SMAD3: variants seen among roughly 807,000 people sequenced by gnomAD.
SMAD3 encodes SMAD family member 3.
SMAD3 carries 12 observed loss-of-function variants against 51.8 expected under a neutral mutation model. The observed-to-expected ratio is 0.23, with a 90% confidence interval of 0.15 to 0.38. SMAD3 has a LOEUF of 0.38. Ranked by LOEUF, SMAD3 falls within the 10% of genes least tolerant of loss-of-function variation. SMAD3 has a pLI of 1.00. For synonymous variants in SMAD3, 238 were observed against 227.7 expected (o/e 1.05, Z -0.41); for missense variants, 294 against 565.6 (o/e 0.52, Z 4.87).
intron 1 of SMAD3, among the ~76,000 whole-genome samples, chr15:67,097,251 C>T (rs755660363): frequency 5.9e-5 from 9 of 151,900 alleles, no homozygotes; most frequent in Non-Finnish European, 1.3e-4. Context: ...GTTCTTCCTC[C>T]ACCACTCAGG....
At chr15:67,111,200 T>C (rs1016202145) in intron 1 of SMAD3, among the ~76,000 whole-genome samples, 1 of 152,252 alleles carries the variant, frequency 6.6e-6, no homozygotes, top group Non-Finnish European at 1.5e-5. Flanking sequence ...TCTGGTTCTC[T>C]GGATTTGCCT....
rs1962538901 is a variant in SMAD3 at position 67,165,011 on chromosome 15, T to G, written c.323T>G (p.Leu108Arg). The change falls in exon 2 of 9, where the codon CTG becomes CGG. Residue 108 changes from leucine (L) to arginine (R), a missense_variant. By Grantham distance (102) the Leu-to-Arg change is moderately radical (BLOSUM62 -2). Transcript: ENST00000327367. ...CACCACGAGCTACGGGCCATGGAGC[T>G]GTGTGAGTTCGCCTTCAATATGAAG... ...HSHHELRAME[L>R]CEFAFNMKKD... 1.9e-6 allele frequency: 3 copies of G among 1,614,166 alleles called. No homozygotes were observed. The highest frequency in any genetic ancestry group is 2.5e-6 in the Non-Finnish European group (3 of 1,180,022).
chr15:67,180,903 G>A (rs1595956107), intron 5 of SMAD3, among the ~76,000 whole-genome samples: 1 of 152,026 alleles, frequency 6.6e-6, no homozygotes, highest in Non-Finnish European at 1.5e-5. Context: ...TTCAGGTTTG[G>A]CCCAGCCCCT....
chr15:67,159,726 A>T, intron 1 of SMAD3, among the ~76,000 whole-genome samples: 1 of 152,176 alleles, frequency 6.6e-6, no homozygotes, highest in Middle Eastern at 3.2e-3. Context: ...TTCTGTCACT[A>T]GATTAAGATT....
chr15:67,087,831 G>A (rs1211622582), intron 1 of SMAD3, among the ~76,000 whole-genome samples: 1 of 152,214 alleles, frequency 6.6e-6, no homozygotes, highest in East Asian at 1.9e-4. Context: ...CAGAACTTAA[G>A]TTTCCAGTAA....
intron 1 of SMAD3, among the ~76,000 whole-genome samples, chr15:67,076,008 A>G (rs963822136): frequency 6.6e-6 from 1 of 151,996 alleles, no homozygotes; most frequent in African/African-American, 2.4e-5. Flanking sequence ...GTAAACGCTC[A>G]TTTTTCCTTT....
At chr15:67,179,498 T>C (rs1962994336) in intron 5 of SMAD3, among the ~76,000 whole-genome samples, 1 of 152,000 alleles carries the variant, frequency 6.6e-6, no homozygotes, top group South Asian at 2.1e-4. Context: ...ACCTAGGGTG[T>C]CCTAATCCTC....
At position 67,138,214 on chromosome 15, in the gene SMAD3, T is replaced by C. The variant is rs12914140; in HGVS notation, c.207-26681T>C. ...GAGTTTCTCCGGGCTTCTCTTTCTC[T>C]GGGTGGGGATGTGGACTCTTAGGAT... On this transcript the variant is annotated intron_variant, in intron 1 of 8. Transcript: ENST00000327367. 52,253 of 800,918 alleles carry C rather than the reference T, an allele frequency of 0.065. 1,878 individuals carry two copies. Among genetic ancestry groups the C allele is most frequent in the African/African-American group, 0.078 (4,575 of 58,414 alleles). The allele number at this position is 800,918 out of a possible 1,614,324, so 49.6% of individuals were successfully genotyped here. A position where few individuals can be genotyped will look rare whatever the true frequency, so the allele number is the denominator to read the frequency against.
chr15:67,181,525 T>C, intron 6 of SMAD3, 72 bp downstream of exon 6: 1 of 1,126,060 alleles, frequency 8.9e-7, no homozygotes, highest in Non-Finnish European at 1.2e-6. Context: ...GCCCCAGGCC[T>C]GAACACACAG....
chr15:67,170,403 G>T, intron 4 of SMAD3, 151 bp from the exon 5 acceptor site: 7 of 697,542 alleles, frequency 1.0e-5, no homozygotes, highest in South Asian at 9.1e-5. Context: ...AGAGGCAAGG[G>T]TATGGGCTAG....
intron 3 of SMAD3, chr15:67,166,415 C>T (rs1323720796): frequency 7.2e-6 from 3 of 416,104 alleles, no homozygotes; most frequent in African/African-American, 6.1e-5. Context: ...TGCAGATCTT[C>T]AGAGGACAGA....
At chr15:67,127,582 A>G (rs1397977693) in intron 1 of SMAD3, among the ~76,000 whole-genome samples, 3 of 152,184 alleles carry the variant, frequency 2.0e-5, no homozygotes, top group Non-Finnish European at 4.4e-5. Flanking sequence ...TCACCTGGCA[A>G]TTAGTCATAT....
chr15:67,075,771 C>T (rs1324470529), intron 1 of SMAD3, among the ~76,000 whole-genome samples: 11 of 151,950 alleles, frequency 7.2e-5, no homozygotes, highest in Non-Finnish European at 1.5e-4. Context: ...AAAAATTAGC[C>T]GGGCATGGTA....
chr15:67,164,086 C>A (rs1962505580), intron 1 of SMAD3, among the ~76,000 whole-genome samples: 1 of 151,518 alleles, frequency 6.6e-6, no homozygotes, highest in Admixed American at 6.6e-5. Flanking sequence ...CTGAGGCGGG[C>A]AGATCACGAG....
intron 1 of SMAD3, among the ~76,000 whole-genome samples, chr15:67,136,328 C>CTTTTTTTT (rs11355676): frequency 4.4e-5 from 6 of 137,114 alleles, no homozygotes; most frequent in African/African-American, 5.5e-5. Flanking sequence ...GTCAGTCATT[C>CTTTTTTTT]TTTTTTTTTT....
At chr15:67,111,124 A>T (rs554091108) in intron 1 of SMAD3, among the ~76,000 whole-genome samples, 1 of 152,380 alleles carries the variant, frequency 6.6e-6, no homozygotes, top group African/African-American at 2.4e-5. Flanking sequence ...CCACAAAAAG[A>T]AACCTCATAC....
chr15:67,153,229 C>T (rs574113850), intron 1 of SMAD3, among the ~76,000 whole-genome samples: 2 of 152,248 alleles, frequency 1.3e-5, no homozygotes, highest in South Asian at 2.1e-4. Context: ...CAGTGGCTCA[C>T]GCCTGTAATC....
chr15:67,176,719 G>A (rs1187534178), intron 5 of SMAD3, among the ~76,000 whole-genome samples: 1 of 152,206 alleles, frequency 6.6e-6, no homozygotes, highest in Non-Finnish European at 1.5e-5. Context: ...GGCTGGCAGG[G>A]GGCCAGCCAT....
rs533632661 is a variant in SMAD3, at chr15:67,143,588, C to G, written c.207-21307C>G. Reference sequence around the variant, plus strand: ...TAGCTGGGACTACAGGCATACACCACTACGCCTGGCTCATTTTTGTCTTTT... The same window carrying G: ...TAGCTGGGACTACAGGCATACACCAGTACGCCTGGCTCATTTTTGTCTTTT... On this transcript the variant is annotated intron_variant, in intron 1 of 8. Transcript: ENST00000327367. Among the ~76,000 whole-genome samples, 132 of 152,270 alleles carry G rather than the reference C, an allele frequency of 8.7e-4. 1 individual carries two copies. The highest frequency in any genetic ancestry group is 3.2e-3 in the African/African-American group (131 of 41,564).
Sources: allele counts gnomAD v4.1 joint callset (sites outside exome capture counted in the v4.1 genomes callset), GRCh38; gene constraint gnomAD v4.1.1; transcripts MANE v1.5; gene names NCBI Gene and HGNC (gene_info 2026-07-23, HGNC 2026-07-21).